NEB: variants seen among roughly 807,000 people sequenced by gnomAD.
NEB encodes the protein nebulin, also known as nemaline myopathy type 2.
NEB carries 512 observed loss-of-function variants against 952.2 expected under a neutral mutation model. The observed-to-expected ratio is 0.54, with a 90% CI of 0.50 to 0.58. NEB has a LOEUF of 0.58. Ranked by LOEUF, NEB falls within the 20% of genes least tolerant of loss-of-function variation. NEB has a pLI of 0.00. For missense variants in NEB, 8,428 were observed against 9,231.1 expected (o/e 0.91, Z 3.56); for synonymous variants, 2,900 against 3,149.8 (o/e 0.92, Z 2.66).
At chr2:151,730,695 C>G (rs2099805565) in intron 3 of NEB, among the ~76,000 whole-genome samples, 1 of 150,512 alleles carries the variant, frequency 6.6e-6, no homozygotes, top group African/African-American at 2.4e-5. Context: ...ACATACAGCA[C>G]TCAAGGGAAG....
chr2:151,693,123 GCTATTAACATTAAGAC>G, intron 20 of NEB, among the ~76,000 whole-genome samples: 1 of 152,270 alleles, frequency 6.6e-6, no homozygotes, highest in East Asian at 1.9e-4. Context: ...CCGGAAGCTG[GCTATTAACATTAAGAC>G]CTAACAGTTT....
intron 127 of NEB, among the ~76,000 whole-genome samples, 196 bp from the exon 128 acceptor site, chr2:151,552,972 T>C (rs1293081959): frequency 1.3e-5 from 2 of 152,214 alleles, no homozygotes; most frequent in African/African-American, 4.8e-5. Flanking sequence ...TCTAGGACAC[T>C]TGATAACTAC....
At chr2:151,526,389 C>A in intron 148 of NEB, 127 bp from the exon 149 acceptor site, 1 of 708,610 alleles carries the variant, frequency 1.4e-6, no homozygotes, top group South Asian at 1.7e-5. Flanking sequence ...GTGATACTTG[C>A]AAATTTTGGG....
intron 9 of NEB, among the ~76,000 whole-genome samples, chr2:151,719,060 C>T (rs927079998): frequency 7.9e-5 from 12 of 152,182 alleles, no homozygotes; most frequent in Non-Finnish European, 1.0e-4. Flanking sequence ...CTGAGCCAGA[C>T]GTGATGACCT....
At chr2:151,501,301 G>T (rs1402411758) in intron 168 of NEB, 90 bp downstream of exon 168, 20 of 852,438 alleles carry the variant, frequency 2.3e-5, no homozygotes, top group Non-Finnish European at 3.5e-5. Context: ...TTGTTAAATT[G>T]ATTATTATAA....
intron 102 of NEB, 89 bp from the exon 103 acceptor site, chr2:151,581,676 G>C (rs767738510): frequency 7.0e-7 from 1 of 1,427,744 alleles, no homozygotes; most frequent in Non-Finnish European, 9.4e-7. Context: ...AAACATACTT[G>C]AATAAATGGA....
In NEB at chr2:151,724,327, T is replaced by C; in HGVS notation, c.545A>G (p.Lys182Arg). The stretch of plus-strand genomic sequence containing the variant: ...AGGGGCATCAGGAGGAAGCAGGTAC[T>C]TATCCTTGGTGTCTTCCCAGTTCTG... ...YKQNWEDTKD[K>R]YLLPPDAPEL... Residue 182 changes from lysine to arginine, a missense_variant, in exon 8 of 182, where the codon AAG becomes AGG. Physicochemically the swap from Lys to Arg is conservative, Grantham distance 26 (BLOSUM62 2). Transcript: ENST00000397345. 1.9e-6 allele frequency: 3 copies of C among 1,612,898 alleles called. No individual in the cohort carries two copies. Among genetic ancestry groups the C allele is most frequent in the Non-Finnish European group, 2.5e-6 (3 of 1,179,496 alleles).
Position 151,531,059 on chromosome 2 carries a change from A to AGCCTCTGGGTTTG in NEB, c.21552_21564dup (p.Tyr7189GlnfsTer21). The stretch of plus-strand genomic sequence containing the variant: ...ATGGGTGTGTCGTGGATTGTGGTGT[A>AGCCTCTGGGTTTG]GCCTCTGGGTTTGGCCTTGTTGTAT... On this transcript the variant is annotated frameshift_variant, in exon 145 of 182. Coordinates refer to ENST00000397345, the MANE Select transcript of NEB (RefSeq NM_001164508.2). LOFTEE classifies it high-confidence loss of function. The AGCCTCTGGGTTTG allele has an allele frequency of 6.2e-7, 1 of 1,613,644 alleles. No individual in the cohort carries two copies. Among genetic ancestry groups the AGCCTCTGGGTTTG allele is most frequent in the Non-Finnish European group, 8.5e-7 (1 of 1,179,708 alleles).
At position 151,560,692 on chromosome 2, in the gene NEB, T is replaced by C. The variant is rs368240939; in HGVS notation, c.19214A>G (p.Tyr6405Cys). 6.2e-6 allele frequency: 10 copies of C among 1,609,364 alleles called. No individual in the cohort carries two copies. Among genetic ancestry groups the C allele is most frequent in the East Asian group, 2.2e-5 (1 of 44,732 alleles). ...TTTCACTCTATCCCAGGCCTCCTTGTACAGGTTCTGCAGGAATTAAAGACC... is the reference window on the plus strand; with the variant it reads ...TTTCACTCTATCCCAGGCCTCCTTGCACAGGTTCTGCAGGAATTAAAGACC... ...NLKNLYSSNL[Y>C]KEAWDRVKAT... Residue 6405 changes from tyrosine to cysteine, a missense_variant, in exon 124 of 182, where the codon TAC becomes TGC. Around this residue, in one of 11 missense-constraint regions of NEB, gnomAD observed 3,374 missense variants for 3,651.5 expected, o/e 0.92. Coordinates refer to ENST00000397345, the MANE Select transcript of NEB (RefSeq NM_001164508.2).
At chr2:151,560,877 AT>A in intron 123 of NEB, 126 bp downstream of exon 123, 1 of 764,846 alleles carries the variant, frequency 1.3e-6, no homozygotes, top group South Asian at 1.9e-5. Context: ...GTAAAGTAAG[AT>A]TGAAGGTCCA....
At chr2:151,523,858 GC>G (rs200790107) in intron 153 of NEB, among the ~76,000 whole-genome samples, 3,735 of 152,050 alleles carry the variant, frequency 0.025, 57 homozygotes, top group African/African-American at 0.039. Context: ...CTACTTCCTA[GC>G]CCGGGCAGTT....
intron 81 of NEB, among the ~76,000 whole-genome samples, chr2:151,608,905 C>CAAAAAAAA (rs1163520121): frequency 1.2e-4 from 4 of 34,432 alleles, no homozygotes; most frequent in East Asian, 1.4e-3. Flanking sequence ...CTCCGTCTCA[C>CAAAAAAAA]AAAAAAAAAA....
intron 60 of NEB, among the ~76,000 whole-genome samples, chr2:151,641,997 T>C (rs747988039): frequency 2.6e-5 from 4 of 152,188 alleles, no homozygotes; most frequent in Non-Finnish European, 2.9e-5. Context: ...CAGTGTGTGA[T>C]GTTCCCCACC....
At chr2:151,610,474 A>G (rs995824555) in intron 80 of NEB, 42 bp downstream of exon 80, 2 of 1,482,430 alleles carry the variant, frequency 1.3e-6, no homozygotes, top group South Asian at 1.1e-5. Context: ...TGGGTTGTTC[A>G]GCACAGTGGA....
chr2:151,719,493 A>C (rs6730589), intron 9 of NEB, among the ~76,000 whole-genome samples: 103,524 of 151,688 alleles, frequency 0.68, 38,696 homozygotes, highest in Non-Finnish European at 0.83. Context: ...AGTGCCTATA[A>C]CAAAAGCTTT....
Position 151,609,789 on chromosome 2 carries a change from C to T in NEB, c.12330+20G>A, listed in dbSNP as rs2097879848. The T allele has an allele frequency of 3.2e-6, 5 of 1,547,546 alleles. No homozygotes were observed. Among genetic ancestry groups the T allele is most frequent in the Non-Finnish European group, 3.5e-6 (4 of 1,147,704 alleles). On this transcript the variant is annotated intron_variant, in intron 81 of 181. Coordinates refer to ENST00000397345, the MANE Select transcript of NEB (RefSeq NM_001164508.2). ...TCTACATCTTCCCCTTCCCCCTTTC[C>T]CAAAATTCATGTTACGTACATCACT...
At chr2:151,702,999 G>A (rs992180309) in intron 13 of NEB, among the ~76,000 whole-genome samples, 5 of 151,904 alleles carry the variant, frequency 3.3e-5, no homozygotes, top group East Asian at 1.9e-4. Flanking sequence ...GGCTGGTACC[G>A]GTTGTTGCTT....
intron 128 of NEB, 89 bp from the exon 129 acceptor site, chr2:151,551,934 G>T (rs184759981): frequency 4.5e-6 from 4 of 896,722 alleles, no homozygotes; most frequent in Middle Eastern, 2.4e-4. Context: ...GCTTCCCTTT[G>T]CCTGGAGAAC....
At chr2:151,623,492 A>G (rs1239067719) in intron 71 of NEB, among the ~76,000 whole-genome samples, 1 of 152,168 alleles carries the variant, frequency 6.6e-6, no homozygotes, top group Non-Finnish European at 1.5e-5. Context: ...AATTAGATTG[A>G]ATTAAGGATA....
Sources: allele counts gnomAD v4.1 joint callset (sites outside exome capture counted in the v4.1 genomes callset), GRCh38; gene constraint gnomAD v4.1.1; regional missense constraint gnomAD v4.1.1; transcripts MANE v1.5; gene names NCBI Gene and HGNC (gene_info 2026-07-23, HGNC 2026-07-21).